Variants in SGIP1 observed in about 807,000 individuals in gnomAD.
The protein encoded by SGIP1 is SH3GL interacting endocytic adaptor 1.
In SGIP1, 38 loss-of-function variants were observed where a neutral mutation model predicts 107.5. The ratio of observed to expected loss-of-function variants is 0.35; its 90% CI spans 0.27 to 0.46. SGIP1 has a LOEUF of 0.46. Ranked by LOEUF, SGIP1 falls within the 20% of genes least tolerant of loss-of-function variation. The probability of loss-of-function intolerance (pLI) is 1.00; values close to 1 mark genes in which losing one functional copy is unlikely to be tolerated. For synonymous variants in SGIP1, 365 were observed against 366.1 expected (o/e 1.00, Z 0.03); for missense variants, 929 against 1,019.5 (o/e 0.91, Z 1.21).
chr1:66,601,527 G>A (rs558668418), intron 1 of SGIP1, among the ~76,000 whole-genome samples: 1 of 152,092 alleles, frequency 6.6e-6, no homozygotes, highest in East Asian at 1.9e-4. Context: ...GCATGTGTGT[G>A]TGTGTGAGAG....
At position 66,749,250 on chromosome 1, in the gene SGIP1, A is replaced by G. The variant is rs774385580; in HGVS notation, c.*6155A>G. ...TTCTTTGCCGTGTGGAATTAATGCC[A>G]GTGAATAATCTCCAGTAACGTTTTA... On this transcript the variant is annotated 3_prime_UTR_variant, in exon 25 of 25. Transcript: ENST00000371037. 2.6e-5 allele frequency among the ~76,000 whole-genome samples: 4 copies of G among 152,090 alleles called. No individual in the cohort carries two copies. The highest frequency in any genetic ancestry group is 4.4e-5 in the Non-Finnish European group (3 of 67,922).
At chr1:66,705,837 A>G (rs1557695222) in intron 18 of SGIP1, among the ~76,000 whole-genome samples, 1 of 152,106 alleles carries the variant, frequency 6.6e-6, no homozygotes, top group African/African-American at 2.4e-5. Flanking sequence ...ACATGGACAC[A>G]GGGAGGGGAA....
intron 12 of SGIP1, among the ~76,000 whole-genome samples, chr1:66,676,174 G>A (rs901825270): frequency 1.1e-4 from 17 of 152,168 alleles, no homozygotes; most frequent in Admixed American, 4.6e-4. Flanking sequence ...GGAAGGCAGC[G>A]CAGAGAGGTT....
At chr1:66,675,254 C>T (rs1179373825) in intron 12 of SGIP1, among the ~76,000 whole-genome samples, 3 of 152,098 alleles carry the variant, frequency 2.0e-5, no homozygotes, top group Non-Finnish European at 4.4e-5. Flanking sequence ...AATGCTGCTT[C>T]GTATCTTTGG....
chr1:66,584,480 T>C (rs971615244), intron 1 of SGIP1, among the ~76,000 whole-genome samples: 1 of 152,184 alleles, frequency 6.6e-6, no homozygotes, highest in African/African-American at 2.4e-5. Flanking sequence ...AAAATTTCTC[T>C]AGCTCCAGGA....
At chr1:66,569,449 T>C (rs2060092997) in intron 1 of SGIP1, among the ~76,000 whole-genome samples, 1 of 151,918 alleles carries the variant, frequency 6.6e-6, no homozygotes, top group Non-Finnish European at 1.5e-5. Flanking sequence ...GAAATGGGTG[T>C]TGGATTTTGT....
intron 18 of SGIP1, among the ~76,000 whole-genome samples, chr1:66,717,867 T>C (rs915235305): frequency 1.3e-5 from 2 of 152,176 alleles, no homozygotes; most frequent in African/African-American, 2.4e-5. Context: ...TGGAGGTCAT[T>C]AAGATTAGTG....
At chr1:66,659,446 G>A (rs2080441295) in intron 7 of SGIP1, among the ~76,000 whole-genome samples, 1 of 152,202 alleles carries the variant, frequency 6.6e-6, no homozygotes, top group Non-Finnish European at 1.5e-5. Flanking sequence ...GAGATGATAG[G>A]TTCTGGGTTC....
intron 18 of SGIP1, among the ~76,000 whole-genome samples, chr1:66,702,671 C>T (rs2092064119): frequency 6.6e-6 from 1 of 152,118 alleles, no homozygotes; most frequent in African/African-American, 2.4e-5. Flanking sequence ...CTGGTGGTGA[C>T]TATACTTAGA....
chr1:66,748,601 C>T lies in SGIP1; in HGVS notation c.*5506C>T, dbSNP rs984932453. Among the ~76,000 whole-genome samples, 8 of 151,922 alleles carry T rather than the reference C, an allele frequency of 5.3e-5. No homozygotes were observed. Among genetic ancestry groups the T allele is most frequent in the African/African-American group, 1.7e-4 (7 of 41,424 alleles). ...TTTTCCTTTGATTTCTAACTGCCTC[C>T]TTCTATCCCTAGAGTAATACCTTGC... On this transcript the variant is annotated 3_prime_UTR_variant, in exon 25 of 25. Coordinates refer to ENST00000371037, the MANE Select transcript of SGIP1 (RefSeq NM_032291.4).
chr1:66,582,300 C>T (rs1295004577), intron 1 of SGIP1, among the ~76,000 whole-genome samples: 2 of 151,992 alleles, frequency 1.3e-5, no homozygotes, highest in African/African-American at 4.8e-5. Flanking sequence ...AAAACCTTTG[C>T]TCAGAAGTAT....
At chr1:66,555,140 G>T (rs929488068) in intron 1 of SGIP1, among the ~76,000 whole-genome samples, 4 of 151,956 alleles carry the variant, frequency 2.6e-5, no homozygotes, top group African/African-American at 9.7e-5. Flanking sequence ...GCTACTCCCG[G>T]AATCCTGAAA....
intron 1 of SGIP1, among the ~76,000 whole-genome samples, chr1:66,545,628 TTGTGTGTGTGTG>T (rs769603266): frequency 5.8e-5 from 8 of 138,940 alleles, no homozygotes; most frequent in African/African-American, 1.4e-4. Context: ...ACTGAACAAA[TTGTGTGTGTGTG>T]TGTGTGTGTG....
At chr1:66,617,375 A>G (rs1026211615) in intron 1 of SGIP1, among the ~76,000 whole-genome samples, 1 of 152,206 alleles carries the variant, frequency 6.6e-6, no homozygotes, top group Non-Finnish European at 1.5e-5. Flanking sequence ...TCTTTCTGTA[A>G]GAACTTCTGA....
At chr1:66,697,034 G>A (rs2091055613) in intron 18 of SGIP1, among the ~76,000 whole-genome samples, 2 of 152,128 alleles carry the variant, frequency 1.3e-5, no homozygotes, top group Admixed American at 1.3e-4. Context: ...AGTAAACAAG[G>A]CACTTTGCCA....
At chr1:66,566,043 C>G (rs925441131) in intron 1 of SGIP1, among the ~76,000 whole-genome samples, 1 of 151,956 alleles carries the variant, frequency 6.6e-6, no homozygotes, top group Non-Finnish European at 1.5e-5. Flanking sequence ...AGATTCAACC[C>G]AAACTAGCCA....
chr1:66,626,028 C>A (rs1249856500), intron 2 of SGIP1, 118 bp downstream of exon 2: 3 of 593,118 alleles, frequency 5.1e-6, no homozygotes, highest in African/African-American at 1.9e-5. Flanking sequence ...TTGCTTTCCT[C>A]ATTTCTGAGT....
intron 1 of SGIP1, among the ~76,000 whole-genome samples, chr1:66,606,322 G>A (rs1053061463): frequency 6.6e-6 from 1 of 152,198 alleles, no homozygotes; most frequent in Non-Finnish European, 1.5e-5. Flanking sequence ...TAAATAATTA[G>A]CACACAGTAG....
intron 1 of SGIP1, among the ~76,000 whole-genome samples, chr1:66,618,280 C>T (rs1471531842): frequency 6.6e-6 from 1 of 152,202 alleles, no homozygotes; most frequent in East Asian, 1.9e-4. Context: ...TCAGATTGGT[C>T]CATCTGGTAT....
Sources: allele counts gnomAD v4.1 joint callset (sites outside exome capture counted in the v4.1 genomes callset), GRCh38; gene constraint gnomAD v4.1.1; transcripts MANE v1.5; gene names NCBI Gene and HGNC (gene_info 2026-07-23, HGNC 2026-07-21).